Variants in MATR3 observed in about 807,000 individuals in gnomAD.
The protein encoded by MATR3 is matrin 3, also known as matrin-3.
A neutral mutation model predicts 85.5 loss-of-function variants in MATR3; 4 were observed. The ratio of observed to expected loss-of-function variants is 0.05; its 90% CI spans 0.02 to 0.11. The LOEUF is 0.11. Ranked by LOEUF, MATR3 falls within the 10% of genes least tolerant of loss-of-function variation. The pLI is 1.00. For synonymous variants in MATR3, 336 were observed against 343.1 expected (o/e 0.98, Z 0.23); for missense variants, 685 against 1,016.1 (o/e 0.67, Z 4.43).
intron 14 of MATR3, among the ~76,000 whole-genome samples, chr5:139,327,106 A>T (rs191292390): frequency 6.6e-6 from 1 of 152,322 alleles, no homozygotes; most frequent in African/African-American, 2.4e-5. Context: ...GCTTCTTTGG[A>T]CTACCTATTG....
intron 2 of MATR3, 66 bp from the exon 3 acceptor site, chr5:139,314,609 T>G: frequency 7.6e-7 from 1 of 1,316,508 alleles, no homozygotes; most frequent in Non-Finnish European, 1.1e-6. Flanking sequence ...TCCTAGAGTT[T>G]GAATGGTTCA....
chr5:139,282,062 A>C (rs962066496), intron 3 of MATR3, among the ~76,000 whole-genome samples: 4 of 152,200 alleles, frequency 2.6e-5, no homozygotes, highest in African/African-American at 9.7e-5. Flanking sequence ...GCAAGTCCCA[A>C]AGGGACACAA....
rs1287715360 is a variant in MATR3, at chr5:139,330,457, T to C, written c.*1062T>C. ...TGTTAACCAACGTATTTGTCAGTTG[T>C]GGTTTTTATTCGCTCTTAAACTTTG... On this transcript the variant is annotated 3_prime_UTR_variant, in exon 15 of 15. Transcript: ENST00000394805. 1.1e-5 allele frequency: 5 copies of C among 454,442 alleles called. No individual in the cohort carries two copies. Among genetic ancestry groups the C allele is most frequent in the South Asian group, 3.1e-5 (2 of 64,482 alleles). 28.2% of individuals were successfully genotyped at this position (454,442 alleles called of 1,614,324 possible).
intron 9 of MATR3, among the ~76,000 whole-genome samples, chr5:139,320,440 A>C (rs1755497756): frequency 6.6e-6 from 1 of 151,866 alleles, no homozygotes; most frequent in Non-Finnish European, 1.5e-5. Flanking sequence ...ACATCTGTAC[A>C]AAAAAAAATT....
chr5:139,274,695 G>C (rs1381709434), intron 1 of MATR3, among the ~76,000 whole-genome samples: 1 of 152,032 alleles, frequency 6.6e-6, no homozygotes, highest in Non-Finnish European at 1.5e-5. Context: ...TCAGCACTTT[G>C]GGAGGCCGAG....
chr5:139,308,650 G>A (rs976382082), intron 2 of MATR3, among the ~76,000 whole-genome samples: 1 of 152,012 alleles, frequency 6.6e-6, no homozygotes, highest in African/African-American at 2.4e-5. Flanking sequence ...ATTGTTTTAA[G>A]TATTTTTTTT....
rs1754747196 is a variant in MATR3 at position 139,307,037 on chromosome 5, G to A, written c.-177-202G>A. ...AAGTCCCTTTAATAGTTAAGCTTTA[G>A]CATGAAATACTACTTTTTAAATATC... is the stretch of plus-strand genomic sequence containing the variant. On this transcript the variant is annotated intron_variant, in intron 1 of 14. Coordinates refer to ENST00000394805, the MANE Select transcript of MATR3 (RefSeq NM_018834.6). The surrounding 1 kb of genome is among the most constrained non-coding windows in gnomAD (Gnocchi z 4.4). Among the ~76,000 whole-genome samples, 2 of 151,706 alleles carry A rather than the reference G, an allele frequency of 1.3e-5. No individual in the cohort carries two copies. The highest frequency in any genetic ancestry group is 4.2e-4 in the South Asian group (2 of 4,816).
chr5:139,291,398 G>T (rs956141067), upstream of MATR3, among the ~76,000 whole-genome samples: 1 of 152,194 alleles, frequency 6.6e-6, no homozygotes. Flanking sequence ...TTTGGCTGAG[G>T]CCTAATATAT....
intron 2 of MATR3, 68 bp downstream of exon 2, chr5:139,308,395 C>T (rs1754813913): frequency 1.9e-6 from 3 of 1,569,836 alleles, no homozygotes; most frequent in East Asian, 2.2e-5. Flanking sequence ...ATATCTTTGA[C>T]TCTAATTCTG....
intron 1 of MATR3, chr5:139,294,467 G>A (rs1428575397): frequency 6.4e-6 from 1 of 155,460 alleles, no homozygotes; most frequent in African/African-American, 2.4e-5. Flanking sequence ...AAGACTCCCG[G>A]CCCACACGCG....
intron 2 of MATR3, chr5:139,310,704 T>A (rs1754923810): frequency 6.6e-6 from 1 of 152,106 alleles, no homozygotes; most frequent in Admixed American, 6.6e-5. Context: ...TGTCATGGAG[T>A]GTCATTATTT....
In MATR3 at chr5:139,321,860, T is replaced by C. The variant is rs375825052; in HGVS notation, c.1603-38T>C. 2.5e-6 allele frequency: 4 copies of C among 1,604,162 alleles called. No individual in the cohort carries two copies. The African/African-American group carries it at 5.4e-5, about 22-fold the overall frequency. ...TAAGGTTTTATACAATTTTGTAAAATATAATGTGCTTTGTGGTTTCTTTTC... is the reference window on the plus strand; with the variant it reads ...TAAGGTTTTATACAATTTTGTAAAACATAATGTGCTTTGTGGTTTCTTTTC... On this transcript the variant is annotated intron_variant, in intron 9 of 14. Coordinates refer to ENST00000394805, the MANE Select transcript of MATR3 (RefSeq NM_018834.6).
intron 1 of MATR3, among the ~76,000 whole-genome samples, chr5:139,301,694 G>A (rs1366732250): frequency 6.6e-6 from 1 of 152,246 alleles, no homozygotes; most frequent in South Asian, 2.1e-4. Context: ...AGTTTATGTC[G>A]TAGTTCAAAT....
chr5:139,286,983 T>C (rs1292244726), intron 3 of MATR3, among the ~76,000 whole-genome samples: 1 of 152,234 alleles, frequency 6.6e-6, no homozygotes, highest in Non-Finnish European at 1.5e-5. Flanking sequence ...TTGTTTACTA[T>C]TATGTACTGG....
rs1561945483 is a variant in MATR3 at position 139,326,159 on chromosome 5, C to CT, written c.2372-3dup. The stretch of plus-strand genomic sequence containing the variant: ...TTTGTAAGAATGTATGTTTGTATTT[C>CT]TAGGTATAGACTATGTGATACCTAA... On this transcript the variant is annotated splice_polypyrimidine_tract_variant and splice_region_variant and intron_variant, in intron 13 of 14. Transcript: ENST00000394805. 4.4e-6 allele frequency: 7 copies of CT among 1,574,642 alleles called. No individual in the cohort carries two copies. The highest frequency in any genetic ancestry group is 1.3e-5 in the African/African-American group (1 of 74,348).
chr5:139,321,159 G>GGTTTTTGT (rs1755547320), intron 9 of MATR3, among the ~76,000 whole-genome samples: 12 of 151,670 alleles, frequency 7.9e-5, no homozygotes, highest in Non-Finnish European at 1.2e-4. Context: ...TTGGTTTTTG[G>GGTTTTTGT]TTTTTTCTGA....
rs1285050175 is a variant in MATR3 at position 139,330,150 on chromosome 5, A to G, written c.*755A>G. On this transcript the variant is annotated 3_prime_UTR_variant, in exon 15 of 15. Transcript: ENST00000394805. Reference sequence around the variant, plus strand: ...ATTGTCATACATCTCTGGTATAAGCAACATTTGATTTTTGAAGTGTGTAGA... The same window carrying G: ...ATTGTCATACATCTCTGGTATAAGCGACATTTGATTTTTGAAGTGTGTAGA... 2.2e-6 allele frequency: 1 copy of G among 454,392 alleles called. No homozygotes were observed. The highest frequency in any genetic ancestry group is 4.4e-6 in the Non-Finnish European group (1 of 226,786). 28.1% of individuals were successfully genotyped at this position (454,392 alleles called of 1,614,324 possible).
intron 1 of MATR3, among the ~76,000 whole-genome samples, chr5:139,300,321 C>T (rs1446073126): frequency 6.6e-6 from 1 of 152,266 alleles, no homozygotes; most frequent in East Asian, 1.9e-4. Flanking sequence ...GCCAAGATCA[C>T]GCCATTGCAC....
At chr5:139,276,297 T>C in intron 2 of MATR3, 1 of 447,202 alleles carries the variant, frequency 2.2e-6, no homozygotes, top group South Asian at 1.6e-5. Flanking sequence ...ACTCTTGTGT[T>C]GACTACCCCA....
Sources: gnomAD v4.1 joint callset for allele counts (sites outside exome capture counted in the v4.1 genomes callset) on GRCh38, gnomAD v4.1.1 for gene constraint, Gnocchi (gnomAD v3.1) non-coding constraint, MANE v1.5 for transcripts, NCBI Gene and HGNC (gene_info 2026-07-23, HGNC 2026-07-21) for gene names.